HBP1: variants seen among roughly 807,000 people sequenced by gnomAD.
HBP1 encodes HMG-box transcription factor 1.
Under a neutral mutation model 62.6 loss-of-function variants are expected in HBP1, and 20 were observed. That is an observed-to-expected ratio of 0.32 (90% CI 0.22 to 0.46). The LOEUF is 0.46. Ranked by LOEUF, HBP1 falls within the 20% of genes least tolerant of loss-of-function variation. The pLI is 1.00. For missense variants in HBP1, 480 were observed against 611.8 expected (o/e 0.78, Z 2.27); for synonymous variants, 232 against 206.2 (o/e 1.12, Z -1.07).
At chr7:107,172,507 C>T (rs992036736) in intron 1 of HBP1, among the ~76,000 whole-genome samples, 1 of 151,874 alleles carries the variant, frequency 6.6e-6, no homozygotes. Context: ...TAATATGTGA[C>T]TTATCTTATA....
intron 8 of HBP1, among the ~76,000 whole-genome samples, chr7:107,194,363 T>G (rs888766464): frequency 6.6e-6 from 1 of 152,212 alleles, no homozygotes; most frequent in Non-Finnish European, 1.5e-5. Context: ...GTGCTGAAGT[T>G]TGCTATTTTT....
rs757778953 is a variant in HBP1 at position 107,196,024 on chromosome 7, A to G, written c.1258A>G (p.Asn420Asp). Residue 420 changes from asparagine to aspartate, a missense_variant, in exon 9 of 11, where the codon AAC (asparagine) becomes GAC (aspartate). Physicochemically the swap from Asn to Asp is conservative, Grantham distance 23. This residue lies in a region of HBP1 where 66 missense variants were observed against 56.4 expected (regional missense o/e 1.17). Transcript: ENST00000222574. ...TTCTTTGTATGCTAAAGCTGTCAAA[A>G]ACCACAGCTCAGGGACTGTGAGTGC... Reference protein sequence around the residue: ...SNSLYAKAVKNHSSGTVSATS... With the variant: ...SNSLYAKAVKDHSSGTVSATS... 3.1e-6 allele frequency: 5 copies of G among 1,614,020 alleles called. No individual in the cohort carries two copies. The East Asian group carries it at 1.1e-4, about 36-fold the overall frequency.
At chr7:107,169,715 T>TA (rs976540701) in intron 1 of HBP1, 109 of 984,586 alleles carry the variant, frequency 1.1e-4, no homozygotes, top group Non-Finnish European at 1.3e-4. Flanking sequence ...GGCTCATTGT[T>TA]ACGCAGTTCG....
At chr7:107,185,568 T>A (rs939109320) in intron 3 of HBP1, among the ~76,000 whole-genome samples, 2 of 152,188 alleles carry the variant, frequency 1.3e-5, no homozygotes, top group African/African-American at 4.8e-5. Context: ...TAGTCGTAGT[T>A]TAAAATATAT....
chr7:107,195,462 A>G lies in HBP1; in HGVS notation c.1068-372A>G, dbSNP rs75969589. Among the ~76,000 whole-genome samples the G allele has an allele frequency of 4.6e-3, 708 of 152,324 alleles. 7 individuals carry two copies. The highest frequency in any genetic ancestry group is 0.017 in the African/African-American group (689 of 41,564). The stretch of plus-strand genomic sequence containing the variant: ...CTGGGTGCCTATAGGCCAAGAAACC[A>G]TATTGTCACATTTGTCCAGAAATGA... On this transcript the variant is annotated intron_variant, in intron 8 of 10. Coordinates refer to ENST00000222574, the MANE Select transcript of HBP1 (RefSeq NM_012257.4).
At chr7:107,183,712 T>TA (rs1312029331) in intron 3 of HBP1, among the ~76,000 whole-genome samples, 2 of 152,144 alleles carry the variant, frequency 1.3e-5, no homozygotes, top group African/African-American at 4.8e-5. Context: ...GGATTAATAA[T>TA]AACAGTTTAT....
chr7:107,176,745 C>G (rs1377598127), intron 1 of HBP1, among the ~76,000 whole-genome samples: 1 of 140,004 alleles, frequency 7.1e-6, no homozygotes, highest in Non-Finnish European at 1.5e-5. Context: ...GGCTTAAAAT[C>G]GTGATTTCAT....
At chr7:107,197,077 G>A (rs897947062) in intron 9 of HBP1, 4 of 152,142 alleles carry the variant, frequency 2.6e-5, no homozygotes, top group Non-Finnish European at 5.9e-5. Flanking sequence ...CTTAAGAGCT[G>A]TCCTCAGTAG....
chr7:107,170,979 A>G (rs1277770142), intron 1 of HBP1, among the ~76,000 whole-genome samples: 3 of 145,404 alleles, frequency 2.1e-5, no homozygotes, highest in Non-Finnish European at 4.5e-5. Context: ...TATAACATAC[A>G]TGTATATATA....
Position 107,169,181 on chromosome 7 carries a change from G to C in HBP1, c.-20G>C. The C allele has an allele frequency of 9.2e-7, 1 of 1,091,262 alleles. No homozygotes were observed. Among genetic ancestry groups the C allele is most frequent in the Non-Finnish European group, 1.1e-6 (1 of 883,304 alleles). The allele number at this position is 1,091,262 out of a possible 1,614,324, so 67.6% of individuals were successfully genotyped here. A position where few individuals can be genotyped will look rare whatever the true frequency, so the allele number is the denominator to read the frequency against. ...CGCGCCTGGGCTGCCGGCACTTCGCGGCAGGTTTGTTGTCTTTCAGTTAGG... is the reference window on the plus strand; with the variant it reads ...CGCGCCTGGGCTGCCGGCACTTCGCCGCAGGTTTGTTGTCTTTCAGTTAGG... On this transcript the variant is annotated 5_prime_UTR_variant, in exon 1 of 11. Coordinates refer to ENST00000222574, the MANE Select transcript of HBP1 (RefSeq NM_012257.4).
At chr7:107,173,497 T>G (rs888509326) in intron 1 of HBP1, 4 of 152,250 alleles carry the variant, frequency 2.6e-5, no homozygotes, top group Admixed American at 2.6e-4. Context: ...TTAGTCATCA[T>G]AGTCCTGTTT....
intron 1 of HBP1, chr7:107,169,672 A>G: frequency 1.1e-6 from 1 of 884,826 alleles, no homozygotes; most frequent in South Asian, 5.2e-5. Flanking sequence ...ATTCTGGCTG[A>G]GCTGAGGAGC....
At chr7:107,191,088 C>T (rs1168539693) in intron 8 of HBP1, among the ~76,000 whole-genome samples, 1 of 152,158 alleles carries the variant, frequency 6.6e-6, no homozygotes, top group Non-Finnish European at 1.5e-5. Flanking sequence ...AGATAATTAT[C>T]AAATCCATAG....
At chr7:107,189,810 C>T (rs1296171354) in intron 7 of HBP1, 1 of 227,786 alleles carries the variant, frequency 4.4e-6, no homozygotes, top group Non-Finnish European at 8.5e-6. Flanking sequence ...TACAGTAACA[C>T]CATGTTAAAG....
chr7:107,169,214 TGGGGGTG>T, intron 1 of HBP1, 29 bp downstream of exon 1: 1 of 23,994 alleles, frequency 4.2e-5, no homozygotes, highest in Non-Finnish European at 5.3e-5. Flanking sequence ...AGGGAAGAGG[TGGGGGTG>T]GGGAAGGGAG....
In HBP1 at chr7:107,186,689, T is replaced by C; in HGVS notation, c.765+8T>C. 1 of 1,519,852 alleles carries C rather than the reference T, an allele frequency of 6.6e-7. No individual in the cohort carries two copies. The highest frequency in any genetic ancestry group is 9.0e-7 in the Non-Finnish European group (1 of 1,107,172). The allele number at this position is 1,519,852 out of a possible 1,614,324, so 94.1% of individuals were successfully genotyped here. A position where few individuals can be genotyped will look rare whatever the true frequency, so the allele number is the denominator to read the frequency against. ...CAAATGGGCATTCACAAGGTTGATT[T>C]AAAATTCTTAAAAAATTTTTCAAAA... On this transcript the variant is annotated splice_region_variant and intron_variant, in intron 6 of 10. Transcript: ENST00000222574.
chr7:107,169,692 C>A, intron 1 of HBP1: 1 of 968,984 alleles, frequency 1.0e-6, no homozygotes, highest in Non-Finnish European at 1.2e-6. Context: ...CTCGCGGAGC[C>A]GCTGGGCCCC....
At chr7:107,191,526 C>T (rs1202670674) in intron 8 of HBP1, among the ~76,000 whole-genome samples, 1 of 152,006 alleles carries the variant, frequency 6.6e-6, no homozygotes, top group East Asian at 1.9e-4. Context: ...TAGTCATGCT[C>T]AAGGAGATGG....
In HBP1 at chr7:107,186,615, T is replaced by C; in HGVS notation, c.699T>C (p.Asp233=). Reference sequence around the variant, plus strand: ...AGGGAAGCAATAAGGAATGGCAAGATGTTGAAGATTTTGCTAGAGCTGAAG... The same window carrying C: ...AGGGAAGCAATAAGGAATGGCAAGACGTTGAAGATTTTGCTAGAGCTGAAG... The part of the protein sequence containing the change: ...FHKGSNKEWQ[D]VEDFARAEGC... The change falls in exon 6 of 11, where the codon GAT becomes GAC. Residue 233 remains aspartate (D), a synonymous_variant. Coordinates refer to ENST00000222574, the MANE Select transcript of HBP1 (RefSeq NM_012257.4). The C allele has an allele frequency of 6.2e-7, 1 of 1,613,864 alleles. No individual in the cohort carries two copies.
Sources: allele counts gnomAD v4.1 joint callset (sites outside exome capture counted in the v4.1 genomes callset), GRCh38; gene constraint gnomAD v4.1.1; regional missense constraint gnomAD v4.1.1; transcripts MANE v1.5; gene names NCBI Gene and HGNC (gene_info 2026-07-23, HGNC 2026-07-21).